Variants in MIER2 observed in about 807,000 individuals in gnomAD.
MIER2 encodes mesoderm induction early response protein 2.
MIER2 carries 30 observed loss-of-function variants against 67.6 expected under a neutral mutation model. The ratio of observed to expected loss-of-function variants is 0.44; its 90% CI spans 0.33 to 0.60. The LOEUF is 0.60. Ranked by LOEUF, MIER2 falls within the 20% of genes least tolerant of loss-of-function variation. The pLI is 0.02. For missense variants in MIER2, 702 were observed against 745.1 expected (o/e 0.94, Z 0.67); for synonymous variants, 372 against 312.6 (o/e 1.19, Z -2.00).
chr19:313,463 C>G, intron 8 of MIER2, 29 bp downstream of exon 8: 1 of 1,603,120 alleles, frequency 6.2e-7, no homozygotes, highest in Non-Finnish European at 8.5e-7. Flanking sequence ...AGCCCTCAGC[C>G]CCTCTGTCCC....
At chr19:316,447 G>A (rs978480296) in intron 7 of MIER2, among the ~76,000 whole-genome samples, 10 of 151,780 alleles carry the variant, frequency 6.6e-5, no homozygotes, top group South Asian at 2.1e-4. Context: ...TGCCCACCAC[G>A]CCTGGCTAAT....
chr19:305,872 C>G lies in MIER2; in HGVS notation c.*818G>C, dbSNP rs1277776439. On this transcript the variant is annotated 3_prime_UTR_variant, in exon 14 of 14. Transcript: ENST00000264819. Reference sequence around the variant, plus strand: ...AGGAAGACCTGCAGGGCTGGGGAAACAGGCTGGAGTCTGGCCCCTGCGTGG... The same window carrying G: ...AGGAAGACCTGCAGGGCTGGGGAAAGAGGCTGGAGTCTGGCCCCTGCGTGG... 3 of 152,394 alleles carry G rather than the reference C, an allele frequency of 2.0e-5. No individual in the cohort carries two copies. The highest frequency in any genetic ancestry group is 7.2e-5 in the African/African-American group (3 of 41,462). 9.4% of individuals were successfully genotyped at this position (152,394 alleles called of 1,614,324 possible). A position where few individuals can be genotyped will look rare whatever the true frequency, so the allele number is the denominator to read the frequency against.
At chr19:319,183 G>A (rs1472248735) in intron 7 of MIER2, among the ~76,000 whole-genome samples, 3 of 151,482 alleles carry the variant, frequency 2.0e-5, no homozygotes, top group African/African-American at 2.4e-5. Context: ...CCAACATGGT[G>A]AAACCCCATC....
intron 1 of MIER2, among the ~76,000 whole-genome samples, chr19:336,413 G>A (rs948253697): frequency 1.3e-5 from 2 of 152,236 alleles, no homozygotes; most frequent in Non-Finnish European, 2.9e-5. Context: ...CCCAGGGCAG[G>A]ACATGCATCA....
chr19:321,000 G>C (rs1971480323), intron 7 of MIER2, among the ~76,000 whole-genome samples: 1 of 152,158 alleles, frequency 6.6e-6, no homozygotes. Context: ...GCCGACACAA[G>C]GCACAAGGAT....
At chr19:331,035 G>A (rs993849964) in intron 3 of MIER2, among the ~76,000 whole-genome samples, 3 of 152,088 alleles carry the variant, frequency 2.0e-5, no homozygotes, top group Non-Finnish European at 2.9e-5. Flanking sequence ...TCAGCCATAA[G>A]AGCCTATCAC....
rs777011484 is a variant in MIER2, at chr19:336,169, G to C, written c.14C>G (p.Ser5Cys). 5 of 1,612,708 alleles carry C rather than the reference G, an allele frequency of 3.1e-6. No homozygotes were observed. Among genetic ancestry groups the C allele is most frequent in the Admixed American group, 1.7e-5 (1 of 59,946 alleles). ...GCGAGGACTCTGCCTCCCCAGCGAG[G>C]AGGCCTGCGAAGGAAGAGAGGCAGG... is the stretch of plus-strand genomic sequence containing the variant. Reference protein sequence around the residue: MAEASSLGRQSPRVV... With the variant: MAEACSLGRQSPRVV... The change falls in exon 2 of 14, where the codon TCC (serine) becomes TGC (cysteine). Residue 5 changes from serine to cysteine, a missense_variant. Physicochemically the swap from Ser to Cys is moderately radical, Grantham distance 112. Around this residue, in one of 3 missense-constraint regions of MIER2, gnomAD observed 320 missense variants for 292.6 expected, o/e 1.09. Transcript: ENST00000264819.
intron 1 of MIER2, among the ~76,000 whole-genome samples, chr19:340,271 T>C (rs1001428097): frequency 7.2e-5 from 11 of 152,282 alleles, no homozygotes; most frequent in African/African-American, 2.4e-4. Flanking sequence ...GCTAGTACAG[T>C]TGACCCTTGA....
At chr19:319,771 G>T (rs997442062) in intron 7 of MIER2, among the ~76,000 whole-genome samples, 1 of 152,058 alleles carries the variant, frequency 6.6e-6, no homozygotes, top group African/African-American at 2.4e-5. Flanking sequence ...ACATCTTAAA[G>T]AATAATTCCT....
At chr19:334,343 A>G in intron 3 of MIER2, 57 bp downstream of exon 3, 1 of 1,604,288 alleles carries the variant, frequency 6.2e-7, no homozygotes, top group Non-Finnish European at 8.5e-7. Context: ...AAAACTCATG[A>G]GGCTTACCCC....
chr19:340,349 C>G (rs1333833401), intron 1 of MIER2, among the ~76,000 whole-genome samples: 1 of 152,182 alleles, frequency 6.6e-6, no homozygotes, highest in Admixed American at 6.5e-5. Context: ...TCTGACTCCC[C>G]GACACTTGAT....
intron 7 of MIER2, among the ~76,000 whole-genome samples, chr19:319,788 G>A (rs1410614203): frequency 1.3e-5 from 2 of 152,052 alleles, no homozygotes; most frequent in South Asian, 2.1e-4. Context: ...TCCTCCAGAG[G>A]TTAGGAAAAA....
chr19:310,293 C>T (rs1970893011), intron 10 of MIER2, among the ~76,000 whole-genome samples: 1 of 152,238 alleles, frequency 6.6e-6, no homozygotes, highest in South Asian at 2.1e-4. Context: ...ATGCTCACCG[C>T]TGCGAGAACA....
chr19:318,907 A>G (rs1971375501), intron 7 of MIER2, among the ~76,000 whole-genome samples: 1 of 151,680 alleles, frequency 6.6e-6, no homozygotes, highest in South Asian at 2.1e-4. Flanking sequence ...AATACAAAAA[A>G]CTAGCCGGGC....
At chr19:317,421 G>T (rs1454707312) in intron 7 of MIER2, among the ~76,000 whole-genome samples, 1 of 142,200 alleles carries the variant, frequency 7.0e-6, no homozygotes, top group African/African-American at 2.4e-5. Context: ...CAGCTACTCA[G>T]GAGGCTGAAG....
Position 307,178 on chromosome 19 carries a change from G to T in MIER2, c.1557C>A (p.Pro519=), listed in dbSNP as rs1490022671. Residue 519 remains proline (P), a synonymous_variant, in exon 13 of 14, where the codon CCC becomes CCA. Coordinates refer to ENST00000264819, the MANE Select transcript of MIER2 (RefSeq NM_017550.3). ...FGLIGIGDVN[P]FLAAHPTCPA... is the part of the protein sequence containing the mutation. Reference sequence around the variant, plus strand: ...GGCACGTGGGGTGGGCGGCCAGGAAGGGGTTCACGTCCCCAATGCCGATGA... The same window carrying T: ...GGCACGTGGGGTGGGCGGCCAGGAATGGGTTCACGTCCCCAATGCCGATGA... 32 of 1,588,848 alleles carry T rather than the reference G, an allele frequency of 2.0e-5. No individual in the cohort carries two copies. The highest frequency in any genetic ancestry group is 2.7e-5 in the Non-Finnish European group (32 of 1,167,712).
intron 4 of MIER2, among the ~76,000 whole-genome samples, 180 bp from the exon 5 acceptor site, chr19:327,436 G>A (rs566333005): frequency 1.3e-5 from 2 of 152,368 alleles, no homozygotes; most frequent in East Asian, 3.9e-4. Flanking sequence ...ACACGTGGGA[G>A]CCCACACCCA....
intron 10 of MIER2, among the ~76,000 whole-genome samples, chr19:309,784 G>A (rs1600109713): frequency 1.1e-5 from 1 of 92,846 alleles, no homozygotes; most frequent in African/African-American, 4.3e-5. Context: ...AGACGAGAAG[G>A]GACACACACA....
At chr19:327,068 T>G in intron 5 of MIER2, 65 bp downstream of exon 5, 1 of 1,533,556 alleles carries the variant, frequency 6.5e-7, no homozygotes, top group Non-Finnish European at 8.7e-7. Flanking sequence ...GGACCCTTCA[T>G]CAAGCATCAC....
Sources: gnomAD v4.1 joint callset for allele counts (sites outside exome capture counted in the v4.1 genomes callset) on GRCh38, gnomAD v4.1.1 for gene constraint, gnomAD v4.1.1 regional missense constraint, MANE v1.5 for transcripts, NCBI Gene and HGNC (gene_info 2026-07-23, HGNC 2026-07-21) for gene names.